The following ZC3H7B variants were observed in gnomAD, a reference collection of about 807,000 sequenced individuals.
ZC3H7B encodes the protein zinc finger CCCH domain-containing protein 7B.
A neutral mutation model predicts 116.0 loss-of-function variants in ZC3H7B; 35 were observed. The observed-to-expected ratio is 0.30, with a 90% CI of 0.23 to 0.40. The LOEUF (loss-of-function observed/expected upper bound fraction) is 0.40, where lower values mean the gene tolerates loss of function less well. ZC3H7B is among the 10% of genes least tolerant of loss of function. The pLI, the probability that ZC3H7B is intolerant of heterozygous loss-of-function variation, is 1.00. For synonymous variants in ZC3H7B, 502 were observed against 545.6 expected (o/e 0.92, Z 1.11); for missense variants, 1,011 against 1,321.5 (o/e 0.77, Z 3.64).
intron 13 of ZC3H7B, among the ~76,000 whole-genome samples, chr22:41,344,124 G>A (rs371098302): frequency 6.6e-6 from 1 of 152,212 alleles, no homozygotes; most frequent in Non-Finnish European, 1.5e-5. Flanking sequence ...GCTGTACGGC[G>A]ATATGTGAAT....
intron 1 of ZC3H7B, among the ~76,000 whole-genome samples, chr22:41,314,922 C>T (rs895357160): frequency 1.1e-4 from 8 of 69,854 alleles, no homozygotes; most frequent in Non-Finnish European, 2.7e-4. Flanking sequence ...ATTATTATTA[C>T]TTAAAAATAC....
In ZC3H7B at chr22:41,349,031, G is replaced by C; in HGVS notation, c.1767-89G>C. ...ATAGATCAGGGGGTGCCCAGGGAGA[G>C]CCTGGCACTGGGAAGGTGGCCCTAC... On this transcript the variant is annotated intron_variant, in intron 15 of 22. Transcript: ENST00000352645. This position sits in a 1 kb window ranked among gnomAD's most constrained non-coding sequence, Gnocchi z 4.9. 7.1e-7 allele frequency: 1 copy of C among 1,406,532 alleles called. No individual in the cohort carries two copies. The highest frequency in any genetic ancestry group is 9.7e-7 in the Non-Finnish European group (1 of 1,030,092). 87.1% of individuals were successfully genotyped at this position (1,406,532 alleles called of 1,614,324 possible).
chr22:41,301,903 C>G (rs973677655), intron 1 of ZC3H7B, 131 bp downstream of exon 1: 1 of 151,530 alleles, frequency 6.6e-6, no homozygotes, highest in Non-Finnish European at 1.5e-5. Flanking sequence ...AGAGCCCTTT[C>G]CAGGCCGGGG....
intron 2 of ZC3H7B, among the ~76,000 whole-genome samples, chr22:41,322,134 C>T (rs533812274): frequency 3.7e-4 from 56 of 151,498 alleles, no homozygotes; most frequent in African/African-American, 1.3e-3. Flanking sequence ...CCACCGCGCC[C>T]GGCCAAAACT....
rs984918049 is a variant in ZC3H7B at position 41,360,005 on chromosome 22, CT to C, written c.*2579del. 1.3e-5 allele frequency: 2 copies of C among 152,586 alleles called. No homozygotes were observed. Among genetic ancestry groups the C allele is most frequent in the Non-Finnish European group, 2.9e-5 (2 of 68,040 alleles). The allele number at this position is 152,586 out of a possible 1,614,324, so 9.5% of individuals were successfully genotyped here. The stretch of plus-strand genomic sequence containing the variant: ...GTATTAAAAATTTAAGAATACCACA[CT>C]TTAATATTAAATATTCATAAGGTCT... On this transcript the variant is annotated 3_prime_UTR_variant, in exon 23 of 23. Transcript: ENST00000352645.
Position 41,301,757 on chromosome 22 carries a change from G to A in ZC3H7B, c.-22G>A, listed in dbSNP as rs1310168076. 2 of 152,056 alleles carry A rather than the reference G, an allele frequency of 1.3e-5. No homozygotes were observed. The highest frequency in any genetic ancestry group is 2.9e-5 in the Non-Finnish European group (2 of 68,006). The allele number at this position is 152,056 out of a possible 1,614,324, so 9.4% of individuals were successfully genotyped here. ...CGGGCTCGGCGCAGGCCCGCGGGGAGCGCAGCCCGGCGGAGGTGAGTGCTT... is the reference window on the plus strand; with the variant it reads ...CGGGCTCGGCGCAGGCCCGCGGGGAACGCAGCCCGGCGGAGGTGAGTGCTT... On this transcript the variant is annotated 5_prime_UTR_variant, in exon 1 of 23. Coordinates refer to ENST00000352645, the MANE Select transcript of ZC3H7B (RefSeq NM_017590.6).
rs752824506 is a variant in ZC3H7B at position 41,343,397 on chromosome 22, T to G, written c.1298-18T>G. ...ATTCTGCTTCCGGAATTATCATGTG[T>G]GTCCACCCTGCCCATAGGCCCCCGG... On this transcript the variant is annotated intron_variant, in intron 12 of 22. Transcript: ENST00000352645. 3 of 1,599,012 alleles carry G rather than the reference T, an allele frequency of 1.9e-6. No homozygotes were observed. The South Asian group carries it at 3.3e-5, about 18-fold the overall frequency.
At position 41,351,425 on chromosome 22, in the gene ZC3H7B, A is replaced by G. The variant is rs566115393; in HGVS notation, c.1949-136A>G. 2.9e-6 allele frequency: 2 copies of G among 688,690 alleles called. No individual in the cohort carries two copies. The highest frequency in any genetic ancestry group is 2.8e-5 in the East Asian group (1 of 36,234). 42.7% of individuals were successfully genotyped at this position (688,690 alleles called of 1,614,324 possible). A position where few individuals can be genotyped will look rare whatever the true frequency, so the allele number is the denominator to read the frequency against. ...GGACAAAGTGGTTCCCTTGTACCCC[A>G]TGTCTTACTGTGGCTGGGCTGAGAA... On this transcript the variant is annotated intron_variant, in intron 16 of 22. Transcript: ENST00000352645. The surrounding 1 kb of genome is among the most constrained non-coding windows in gnomAD (Gnocchi z 5.1).
intron 2 of ZC3H7B, among the ~76,000 whole-genome samples, chr22:41,321,075 T>C (rs1231274422): frequency 1.3e-5 from 2 of 152,150 alleles, no homozygotes; most frequent in African/African-American, 2.4e-5. Flanking sequence ...CCTTCACATC[T>C]GTGTCTTCTT....
chr22:41,344,288 C>CTT (rs2036558998), intron 13 of ZC3H7B, among the ~76,000 whole-genome samples: 1 of 152,182 alleles, frequency 6.6e-6, no homozygotes, highest in Non-Finnish European at 1.5e-5. Flanking sequence ...GCCCAGGCCT[C>CTT]CTGAACTTGC....
At chr22:41,355,918 C>A (rs765816878) in intron 19 of ZC3H7B, 36 bp from the exon 20 acceptor site, 2 of 1,605,884 alleles carry the variant, frequency 1.2e-6, no homozygotes, top group South Asian at 1.1e-5. Context: ...TGCTTTCCAG[C>A]GGGACTCAGA....
intron 2 of ZC3H7B, among the ~76,000 whole-genome samples, chr22:41,322,001 G>A (rs1428147459): frequency 5.4e-5 from 8 of 148,212 alleles, no homozygotes; most frequent in East Asian, 2.0e-4. Flanking sequence ...CACTACGCCC[G>A]GCTAATTTTT....
chr22:41,338,334 T>C lies in ZC3H7B; in HGVS notation c.604T>C (p.Ser202Pro). The part of the protein sequence containing the change: ...ADQGTSNGLG[S>P]IDDIETDCYV... Reference sequence around the variant, plus strand: ...ACAGGGAACTTCTAATGGATTGGGGTCCATAGATGACATCGAAACAGGTAA... The same window carrying C: ...ACAGGGAACTTCTAATGGATTGGGGCCCATAGATGACATCGAAACAGGTAA... The change falls in exon 8 of 23, where the codon TCC (serine) becomes CCC (proline). Residue 202 changes from serine to proline, a missense_variant. Transcript: ENST00000352645. The surrounding 1 kb of genome is among the most constrained non-coding windows in gnomAD (Gnocchi z 4.5). 6.2e-7 allele frequency: 1 copy of C among 1,613,418 alleles called. No homozygotes were observed. Among genetic ancestry groups the C allele is most frequent in the Non-Finnish European group, 8.5e-7 (1 of 1,179,850 alleles).
At chr22:41,305,904 T>C (rs764607143) in intron 1 of ZC3H7B, among the ~76,000 whole-genome samples, 2 of 152,192 alleles carry the variant, frequency 1.3e-5, no homozygotes, top group African/African-American at 2.4e-5. Context: ...CACTCAGCCA[T>C]TGTGTTGTCA....
At chr22:41,332,256 C>T (rs1485563828) in intron 7 of ZC3H7B, 29 bp downstream of exon 7, 6 of 1,613,222 alleles carry the variant, frequency 3.7e-6, no homozygotes, top group Non-Finnish European at 5.1e-6. Context: ...CAACCTGTCT[C>T]AGTTTATCCA....
intron 4 of ZC3H7B, among the ~76,000 whole-genome samples, chr22:41,326,361 A>C (rs1285977824): frequency 6.7e-6 from 1 of 149,286 alleles, no homozygotes; most frequent in Non-Finnish European, 1.5e-5. Flanking sequence ...TTCCTCCCAT[A>C]GCCTCAGCCT....
rs576386485 is a variant in ZC3H7B, at chr22:41,338,781, C to T, written c.626-220C>T. Among the ~76,000 whole-genome samples, 2 of 152,298 alleles carry T rather than the reference C, an allele frequency of 1.3e-5. No homozygotes were observed. Among genetic ancestry groups the T allele is most frequent in the Admixed American group, 1.3e-4 (2 of 15,294 alleles). ...GCATTGAGCCTGGGCCAAGGATTGA[C>T]ATCATAGGACTGAGGGCCCCTCCCT... On this transcript the variant is annotated intron_variant, in intron 8 of 22. Coordinates refer to ENST00000352645, the MANE Select transcript of ZC3H7B (RefSeq NM_017590.6). The surrounding 1 kb of genome is among the most constrained non-coding windows in gnomAD (Gnocchi z 4.5).
At position 41,357,711 on chromosome 22, in the gene ZC3H7B, C is replaced by T. The variant is rs1226716725; in HGVS notation, c.*282C>T. 1 of 499,450 alleles carries T rather than the reference C, an allele frequency of 2.0e-6. No homozygotes were observed. The highest frequency in any genetic ancestry group is 2.6e-5 in the South Asian group (1 of 38,326). 30.9% of individuals were successfully genotyped at this position (499,450 alleles called of 1,614,324 possible). The stretch of plus-strand genomic sequence containing the variant: ...GAGGGAGGGGCCTGGCTGACCCCTC[C>T]AGCTTCAGCCTCCAGCTTTAACTTC... On this transcript the variant is annotated 3_prime_UTR_variant, in exon 23 of 23. Transcript: ENST00000352645. This position sits in a 1 kb window ranked among gnomAD's most constrained non-coding sequence, Gnocchi z 5.4.
intron 2 of ZC3H7B, among the ~76,000 whole-genome samples, chr22:41,322,941 G>A (rs6002332): frequency 0.038 from 5,766 of 152,222 alleles, 340 homozygotes; most frequent in African/African-American, 0.13. Flanking sequence ...GTACTCCCTT[G>A]CCTTTTCTCA....
Sources: allele counts gnomAD v4.1 joint callset (sites outside exome capture counted in the v4.1 genomes callset), GRCh38; gene constraint gnomAD v4.1.1; non-coding constraint Gnocchi (gnomAD v3.1); transcripts MANE v1.5; gene names NCBI Gene and HGNC (gene_info 2026-07-23, HGNC 2026-07-21).